Variants in RP1 observed in about 807,000 individuals in gnomAD.
RP1 encodes the protein RP1 axonemal microtubule associated, also known as oxygen-regulated protein 1.
In RP1, 16 loss-of-function variants were observed where a neutral mutation model predicts 14.8. That is an observed-to-expected ratio of 1.08 (90% CI 0.73 to 1.65). RP1 has a LOEUF of 1.65. Among genes scored for constraint, RP1 ranks in the 40% most tolerant of loss-of-function variants. The pLI, the probability that RP1 is intolerant of heterozygous loss-of-function variation, is 0.00. For missense variants in RP1, 2,631 were observed against 2,535.0 expected (o/e 1.04, Z -0.81); for synonymous variants, 876 against 883.6 (o/e 0.99, Z 0.15).
intron 12 of RP1, among the ~76,000 whole-genome samples, chr8:54,693,968 C>A (rs1389399675): frequency 6.6e-6 from 1 of 152,032 alleles, no homozygotes. Context: ...TCATAGATAG[C>A]TCTTATTATT....
chr8:54,684,693 C>T (rs1418303921), intron 12 of RP1, among the ~76,000 whole-genome samples: 1 of 151,924 alleles, frequency 6.6e-6, no homozygotes, highest in East Asian at 1.9e-4. Flanking sequence ...CCATTTGACT[C>T]TTTTTTCTTC....
intron 7 of RP1, among the ~76,000 whole-genome samples, chr8:54,664,584 A>G (rs535304329): frequency 9.2e-5 from 14 of 152,152 alleles, no homozygotes; most frequent in African/African-American, 3.4e-4. Flanking sequence ...AACCATCCTA[A>G]TGGCTATGAA....
At chr8:54,617,405 A>G (rs1805745623) in intron 1 of RP1, among the ~76,000 whole-genome samples, 1 of 152,238 alleles carries the variant, frequency 6.6e-6, no homozygotes, top group African/African-American at 2.4e-5. Context: ...GCAAATTCTG[A>G]TTCGTTCTTA....
intron 19 of RP1, among the ~76,000 whole-genome samples, chr8:54,750,109 G>A (rs189348558): frequency 3.3e-5 from 5 of 152,232 alleles, no homozygotes; most frequent in East Asian, 3.9e-4. Context: ...AAAACTGAAC[G>A]TTTGGCTGAA....
chr8:54,720,509 T>G (rs1307100665), intron 16 of RP1, among the ~76,000 whole-genome samples: 1 of 152,032 alleles, frequency 6.6e-6, no homozygotes, highest in Non-Finnish European at 1.5e-5. Context: ...AGGTATAGAG[T>G]TTTTGCTACA....
chr8:54,682,709 G>T (rs1807465492), intron 12 of RP1, among the ~76,000 whole-genome samples: 1 of 152,050 alleles, frequency 6.6e-6, no homozygotes, highest in Non-Finnish European at 1.5e-5. Flanking sequence ...ACCTTTGTCA[G>T]ATGGATAGTT....
At position 54,628,658 on chromosome 8, in the gene RP1, A is replaced by G; in HGVS notation, c.4776A>G (p.Ser1592=). The change falls in exon 4 of 4, where the codon TCA becomes TCG. Residue 1592 remains serine (S), a synonymous_variant. Coordinates refer to ENST00000220676, the MANE Select transcript of RP1 (RefSeq NM_006269.2). ...AAAGTCCAGTGACTTCTGATTGGTC[A>G]GACTATCGGCCTGACAGTGACAGTG... The part of the protein sequence containing the change: ...CIKSPVTSDW[S]DYRPDSDSEQ... 6.2e-7 allele frequency: 1 copy of G among 1,614,120 alleles called. No individual in the cohort carries two copies. The highest frequency in any genetic ancestry group is 2.2e-5 in the East Asian group (1 of 44,872).
intron 1 of RP1, among the ~76,000 whole-genome samples, chr8:54,619,370 C>G (rs1375584459): frequency 6.6e-6 from 1 of 152,164 alleles, no homozygotes; most frequent in Non-Finnish European, 1.5e-5. Flanking sequence ...CAATGATAAA[C>G]ATGCCTTTTT....
At chr8:54,842,835 G>A (rs1156619002) in intron 25 of RP1, among the ~76,000 whole-genome samples, 1 of 152,112 alleles carries the variant, frequency 6.6e-6, no homozygotes, top group Non-Finnish European at 1.5e-5. Context: ...CGTGGCTCTG[G>A]CTTGCATCCC....
intron 3 of RP1, among the ~76,000 whole-genome samples, chr8:54,648,730 T>C (rs986459450): frequency 6.6e-6 from 1 of 152,140 alleles, no homozygotes; most frequent in African/African-American, 2.4e-5. Flanking sequence ...AACAATAATA[T>C]AGTAATGATA....
chr8:54,710,953 G>C (rs1032809025), intron 15 of RP1, among the ~76,000 whole-genome samples: 7 of 152,210 alleles, frequency 4.6e-5, no homozygotes, highest in African/African-American at 1.7e-4. Flanking sequence ...ACTTTGGGCT[G>C]TGGGTTTCAG....
chr8:54,812,514 G>A (rs910319528), intron 24 of RP1, among the ~76,000 whole-genome samples: 1 of 152,198 alleles, frequency 6.6e-6, no homozygotes, highest in Non-Finnish European at 1.5e-5. Flanking sequence ...GTAATATATA[G>A]ACTCAGTTCA....
intron 1 of RP1, among the ~76,000 whole-genome samples, chr8:54,584,016 T>A (rs1453005976): frequency 6.6e-6 from 1 of 152,154 alleles, no homozygotes; most frequent in East Asian, 1.9e-4. Flanking sequence ...TCTTCTCTGA[T>A]CTTAGTTATT....
At chr8:54,810,903 G>A (rs1810975251) in intron 24 of RP1, among the ~76,000 whole-genome samples, 1 of 152,152 alleles carries the variant, frequency 6.6e-6, no homozygotes, top group Admixed American at 6.5e-5. Context: ...ACCCCAAGTA[G>A]TAAGAGGTTC....
chr8:54,640,329 A>G (rs1806430731), intron 3 of RP1, among the ~76,000 whole-genome samples: 1 of 152,154 alleles, frequency 6.6e-6, no homozygotes, highest in South Asian at 2.1e-4. Context: ...ATTTGTGCAT[A>G]TATTTGTATG....
intron 14 of RP1, among the ~76,000 whole-genome samples, chr8:54,705,777 G>T (rs946470755): frequency 7.3e-5 from 11 of 150,680 alleles, no homozygotes; most frequent in African/African-American, 2.4e-4. Context: ...TTAAGGAGAA[G>T]AACTTTGACA....
rs141461877 is a variant in RP1 at position 54,765,613 on chromosome 8, G to A, written c.3249-4128G>A. ...CTTCCAATTCTCCTGAGTAGAGTACGTTTCGCTTCTGTCTCTAGACATTCT... is the reference window on the plus strand; with the variant it reads ...CTTCCAATTCTCCTGAGTAGAGTACATTTCGCTTCTGTCTCTAGACATTCT... On this transcript the variant is annotated intron_variant, in intron 22 of 22. Coordinates refer to the RP1 transcript ENST00000636932. Among the ~76,000 whole-genome samples the A allele has an allele frequency of 6.6e-5, 10 of 152,278 alleles. No homozygotes were observed. In the East Asian group the frequency reaches 1.3e-3, roughly 21 times the overall value.
At chr8:54,789,094 C>G (rs1411943624) in intron 24 of RP1, among the ~76,000 whole-genome samples, 1 of 152,154 alleles carries the variant, frequency 6.6e-6, no homozygotes, top group Non-Finnish European at 1.5e-5. Flanking sequence ...AGGGACTTGG[C>G]AGGGCTAGAT....
intron 27 of RP1, among the ~76,000 whole-genome samples, chr8:54,862,571 C>T (rs1442563048): frequency 1.3e-5 from 2 of 152,020 alleles, no homozygotes; most frequent in Non-Finnish European, 2.9e-5. Context: ...CAGAGTATTC[C>T]ACACACAGGT....
Sources: gnomAD v4.1 joint callset for allele counts (sites outside exome capture counted in the v4.1 genomes callset) on GRCh38, gnomAD v4.1.1 for gene constraint, MANE v1.5 for transcripts, NCBI Gene and HGNC (gene_info 2026-07-23, HGNC 2026-07-21) for gene names.